The following CD200 variants were observed in gnomAD, a reference collection of about 807,000 sequenced individuals.
CD200 encodes CD200 molecule.
CD200 carries 15 observed loss-of-function variants against 30.9 expected under a neutral mutation model. The ratio of observed to expected loss-of-function variants is 0.49; its 90% confidence interval spans 0.32 to 0.75. The LOEUF (loss-of-function observed/expected upper bound fraction) is 0.75, where lower values mean the gene tolerates loss of function less well. Ranked by LOEUF, CD200 falls within the 30% of genes least tolerant of loss-of-function variation. CD200 has a pLI of 0.03. For missense variants in CD200, 262 were observed against 324.2 expected (o/e 0.81, Z 1.47); for synonymous variants, 134 against 126.2 (o/e 1.06, Z -0.41).
At chr3:112,350,554 TAGAG>T (rs2081510928) in intron 5 of CD200, among the ~76,000 whole-genome samples, 1 of 152,172 alleles carries the variant, frequency 6.6e-6, no homozygotes, top group Admixed American at 6.5e-5. Context: ...GTGAGCTAGA[TAGAG>T]AGGAAGAATG....
chr3:112,347,802 G>C lies in CD200; in HGVS notation c.666G>C (p.Val222=), dbSNP rs2081434302. The change falls in exon 4 of 6, where the codon GTG becomes GTC. Residue 222 remains valine (V), a synonymous_variant. Transcript: ENST00000315711. ...GCCAGGTGCTGCACCTGGGGACTGT[G>C]ACCGACTTTAAGCAAACCGTCAACA... is the stretch of plus-strand genomic sequence containing the variant. ...VICQVLHLGT[V]TDFKQTVNKG... The C allele has an allele frequency of 6.2e-7, 1 of 1,613,524 alleles. No individual in the cohort carries two copies. Among genetic ancestry groups the C allele is most frequent in the South Asian group, 1.1e-5 (1 of 91,048 alleles).
At chr3:112,348,494 G>A (rs1302095335) in intron 4 of CD200, among the ~76,000 whole-genome samples, 2 of 152,158 alleles carry the variant, frequency 1.3e-5, no homozygotes, top group Non-Finnish European at 2.9e-5. Flanking sequence ...GATACAAGAG[G>A]TGAGAATGAC....
chr3:112,334,730 A>T (rs2108416252), intron 1 of CD200, among the ~76,000 whole-genome samples: 1 of 150,592 alleles, frequency 6.6e-6, no homozygotes, highest in East Asian at 1.9e-4. Flanking sequence ...ATTTTCAGTT[A>T]TTCTGCACAG....
chr3:112,361,523 C>G lies in CD200; in HGVS notation c.803-20C>G, dbSNP rs775889933. The G allele has an allele frequency of 3.8e-6, 6 of 1,589,572 alleles. No homozygotes were observed. The African/African-American group carries it at 8.1e-5, about 21-fold the overall frequency. ...ATTTACAAGTGTCCAAAGTTAATAC[C>G]TTGTTTTTCTTTTATCCAGAGCCCT... On this transcript the variant is annotated intron_variant, in intron 5 of 5. Transcript: ENST00000315711.
chr3:112,360,314 T>A (rs896965588), intron 5 of CD200, among the ~76,000 whole-genome samples: 29 of 143,166 alleles, frequency 2.0e-4, no homozygotes, highest in African/African-American at 7.4e-4. Context: ...GTTGACACAG[T>A]GAGACTTCAT....
intron 5 of CD200, among the ~76,000 whole-genome samples, chr3:112,357,483 G>A (rs566219909): frequency 2.0e-5 from 3 of 152,252 alleles, no homozygotes; most frequent in Non-Finnish European, 4.4e-5. Flanking sequence ...GGCAGACTAA[G>A]TTTGTAACAG....
chr3:112,361,696 T>C lies in CD200; in HGVS notation c.*146T>C. On this transcript the variant is annotated 3_prime_UTR_variant, in exon 6 of 6. Coordinates refer to ENST00000315711, the MANE Select transcript of CD200 (RefSeq NM_005944.7). ...AAAGCCTTAAGGATCCCACGACTTT[T>C]TACTGCCATCTGAGCTACTCAGTGT... 1.3e-6 allele frequency: 1 copy of C among 766,502 alleles called. No individual in the cohort carries two copies. Among genetic ancestry groups the C allele is most frequent in the East Asian group, 2.5e-5 (1 of 40,692 alleles). 47.5% of individuals were successfully genotyped at this position (766,502 alleles called of 1,614,324 possible).
intron 1 of CD200, among the ~76,000 whole-genome samples, chr3:112,337,028 A>T (rs2081132865): frequency 6.6e-6 from 1 of 151,996 alleles, no homozygotes; most frequent in Admixed American, 6.6e-5. Flanking sequence ...AAAGACTGAT[A>T]GCTGGGGGAG....
chr3:112,355,788 C>T (rs1040639478), intron 5 of CD200, among the ~76,000 whole-genome samples: 2 of 151,726 alleles, frequency 1.3e-5, no homozygotes, highest in African/African-American at 2.4e-5. Flanking sequence ...CTTCCACTAA[C>T]AATTTTTTTA....
intron 2 of CD200, among the ~76,000 whole-genome samples, chr3:112,341,429 T>G (rs2081236358): frequency 6.6e-6 from 1 of 152,222 alleles, no homozygotes. Context: ...GCTCATATTA[T>G]CTATTGTATA....
intron 1 of CD200, chr3:112,333,761 C>T: frequency 1.0e-6 from 1 of 985,414 alleles, no homozygotes; most frequent in Non-Finnish European, 1.2e-6. Context: ...TAGCCCTTGC[C>T]TGGGGGAAGC....
At chr3:112,352,188 G>C (rs2081545273) in intron 5 of CD200, among the ~76,000 whole-genome samples, 1 of 152,100 alleles carries the variant, frequency 6.6e-6, no homozygotes, top group Non-Finnish European at 1.5e-5. Context: ...TAAATGCTCA[G>C]GGCTAAGAAA....
At chr3:112,342,341 CTTTCTTTCTTTCTTTCTTTCTTTCTTT>C (rs1559783229) in intron 2 of CD200, among the ~76,000 whole-genome samples, 687 of 45,462 alleles carry the variant, frequency 0.015, 68 homozygotes, top group South Asian at 0.039. Flanking sequence ...TTCTTTCCTT[CTTTCTTTCTTTCTTTCTTTCTTTCTTT>C]CTTTCTTTCT....
Position 112,347,758 on chromosome 3 carries a change from G to T in CD200, c.622G>T (p.Val208Leu). Residue 208 changes from valine (V) to leucine (L), a missense_variant, in exon 4 of 6, where the codon GTG becomes TTG. By Grantham distance (32) the Val-to-Leu change is conservative. Coordinates refer to ENST00000315711, the MANE Select transcript of CD200 (RefSeq NM_005944.7). ...ILHIKDPKNQ[V>L]GKEVICQVLH... ...CCATATCAAAGACCCTAAGAATCAG[G>T]TGGGGAAGGAGGTGATCTGCCAGGT... 1 of 1,613,934 alleles carries T rather than the reference G, an allele frequency of 6.2e-7. No individual in the cohort carries two copies. The highest frequency in any genetic ancestry group is 8.5e-7 in the Non-Finnish European group (1 of 1,179,926).
At chr3:112,354,420 A>G (rs1318192708) in intron 5 of CD200, among the ~76,000 whole-genome samples, 2 of 152,220 alleles carry the variant, frequency 1.3e-5, no homozygotes, top group Non-Finnish European at 1.5e-5. Context: ...TTTAGTTTGC[A>G]TATATCCTTT....
chr3:112,351,715 G>A (rs562174143), intron 5 of CD200, among the ~76,000 whole-genome samples: 1 of 150,786 alleles, frequency 6.6e-6, no homozygotes, highest in Non-Finnish European at 1.5e-5. Context: ...TTCCATTTGT[G>A]TTGCTTACAA....
chr3:112,333,201 C>G lies in CD200; in HGVS notation c.-12C>G. On this transcript the variant is annotated 5_prime_UTR_variant, in exon 1 of 6. Coordinates refer to ENST00000315711, the MANE Select transcript of CD200 (RefSeq NM_005944.7). ...GCAGTCAGCCACCTCGCGCGCGCCT[C>G]CAGGAGCAAGGATGGAGAGGCTGGT... 1 of 1,549,964 alleles carries G rather than the reference C, an allele frequency of 6.5e-7. No homozygotes were observed. Among genetic ancestry groups the G allele is most frequent in the Non-Finnish European group, 8.7e-7 (1 of 1,146,556 alleles).
chr3:112,348,266 G>T (rs1034983669), intron 4 of CD200, among the ~76,000 whole-genome samples: 3 of 152,154 alleles, frequency 2.0e-5, no homozygotes, highest in Non-Finnish European at 4.4e-5. Context: ...CACCATGGGA[G>T]GATTGGAGGT....
intron 4 of CD200, among the ~76,000 whole-genome samples, chr3:112,348,771 C>A (rs1218343257): frequency 6.6e-6 from 1 of 151,962 alleles, no homozygotes; most frequent in Non-Finnish European, 1.5e-5. Context: ...TAAATTTGGT[C>A]AAAAAGACTT....
Sources: allele counts gnomAD v4.1 joint callset (sites outside exome capture counted in the v4.1 genomes callset), GRCh38; gene constraint gnomAD v4.1.1; transcripts MANE v1.5; gene names NCBI Gene and HGNC (gene_info 2026-07-23, HGNC 2026-07-21).